ITGB5: variants seen among roughly 807,000 people sequenced by gnomAD.
ITGB5 encodes the protein integrin beta-5.
In ITGB5, 38 loss-of-function variants were observed where a neutral mutation model predicts 84.8. The ratio of observed to expected loss-of-function variants is 0.45; its 90% CI spans 0.35 to 0.59. ITGB5 has a LOEUF of 0.59. ITGB5 is among the 20% of genes least tolerant of loss of function. The pLI is 0.01. For synonymous variants in ITGB5, 393 were observed against 414.4 expected (o/e 0.95, Z 0.63); for missense variants, 905 against 1,034.5 (o/e 0.87, Z 1.72).
At chr3:124,859,542 A>G (rs560610471) in intron 2 of ITGB5, 96 bp from the exon 3 acceptor site, 7 of 864,862 alleles carry the variant, frequency 8.1e-6, no homozygotes, top group Non-Finnish European at 1.3e-5. Context: ...GTTGACCTTA[A>G]ATTCTCTACT....
intron 5 of ITGB5, among the ~76,000 whole-genome samples, chr3:124,838,870 G>C (rs2064974881): frequency 6.6e-6 from 1 of 152,190 alleles, no homozygotes. Context: ...CAAAGTGCTA[G>C]GATTACAGGC....
intron 9 of ITGB5, 56 bp downstream of exon 9, chr3:124,808,966 C>T (rs533656476): frequency 1.5e-4 from 232 of 1,576,370 alleles, no homozygotes; most frequent in Admixed American, 8.6e-4. Context: ...TATTAGAACC[C>T]AAAGACTGAT....
chr3:124,817,759 A>G (rs369241858), intron 7 of ITGB5, 49 bp from the exon 8 acceptor site: 24 of 1,089,314 alleles, frequency 2.2e-5, no homozygotes, highest in African/African-American at 3.1e-5. Flanking sequence ...TGCCCTGCCA[A>G]CCATCAGAGT....
At chr3:124,809,569 T>C (rs1334455761) in intron 8 of ITGB5, among the ~76,000 whole-genome samples, 1 of 152,070 alleles carries the variant, frequency 6.6e-6, no homozygotes, top group Admixed American at 6.6e-5. Flanking sequence ...CAATGATCCT[T>C]TGCACAATGG....
chr3:124,766,090 T>C, intron 13 of ITGB5, 136 bp downstream of exon 13: 1 of 817,586 alleles, frequency 1.2e-6, no homozygotes, highest in Non-Finnish European at 1.9e-6. Flanking sequence ...AAAGAAGAAA[T>C]TGTATCCCTC....
intron 10 of ITGB5, among the ~76,000 whole-genome samples, chr3:124,790,720 T>C (rs900636436): frequency 5.9e-5 from 9 of 152,184 alleles, no homozygotes; most frequent in Admixed American, 5.2e-4. Flanking sequence ...TTCTTTTTTT[T>C]TTTGTTTGGG....
At chr3:124,819,639 C>T (rs2064666555) in intron 7 of ITGB5, 100 bp downstream of exon 7, 1 of 849,832 alleles carries the variant, frequency 1.2e-6, no homozygotes, top group Non-Finnish European at 2.0e-6. Flanking sequence ...GGCTATATTC[C>T]ACCCCTCCTT....
intron 1 of ITGB5, among the ~76,000 whole-genome samples, 154 bp downstream of exon 1, chr3:124,886,777 C>G (rs1050264461): frequency 6.6e-6 from 1 of 151,506 alleles, no homozygotes; most frequent in African/African-American, 2.4e-5. Context: ...GAGCGCCCCG[C>G]GGGGCTGTCC....
intron 10 of ITGB5, 78 bp from the exon 11 acceptor site, chr3:124,773,990 C>T (rs939868612): frequency 6.9e-6 from 9 of 1,312,828 alleles, no homozygotes; most frequent in Non-Finnish European, 8.6e-6. Flanking sequence ...CCCCACATGC[C>T]AGGACTGGGA....
At chr3:124,798,868 TG>T (rs2064274369) in intron 9 of ITGB5, among the ~76,000 whole-genome samples, 1 of 152,214 alleles carries the variant, frequency 6.6e-6, no homozygotes, top group Admixed American at 6.5e-5. Context: ...GGAGAGGGTA[TG>T]GGACTGAGCA....
chr3:124,764,648 C>T, intron 13 of ITGB5, 91 bp from the exon 14 acceptor site: 2 of 1,341,078 alleles, frequency 1.5e-6, no homozygotes, highest in Middle Eastern at 2.4e-4. Context: ...GAAAGTTGCA[C>T]CCCTTCCAAA....
At chr3:124,891,771 A>G (rs1935006618), upstream of ITGB5, among the ~76,000 whole-genome samples, 1 of 151,824 alleles carries the variant, frequency 6.6e-6, no homozygotes, top group Non-Finnish European at 1.5e-5. Context: ...AAAAAATACA[A>G]AAATTAGCTG....
intron 1 of ITGB5, among the ~76,000 whole-genome samples, chr3:124,899,509 A>T (rs1414742185): frequency 1.3e-5 from 2 of 152,048 alleles, no homozygotes; most frequent in Non-Finnish European, 1.5e-5. Flanking sequence ...TTCACACAAG[A>T]TAGAAAAGCT....
chr3:124,848,452 A>G lies in ITGB5; in HGVS notation c.468T>C (p.Asn156=). Residue 156 remains asparagine (N), a synonymous_variant, in exon 4 of 15, where the codon AAT becomes AAC. Coordinates refer to ENST00000296181, the MANE Select transcript of ITGB5 (RefSeq NM_002213.5). The part of the protein sequence containing the change: ...LSLSMKDDLD[N]IRSLGTKLAE... ...CGAGTTTGGTGCCCAGGCTCCGGAT[A>G]TTGTCCAAGTCATCCTTCATGGACA... is the stretch of plus-strand genomic sequence containing the variant. The G allele has an allele frequency of 6.2e-7, 1 of 1,614,184 alleles. No individual in the cohort carries two copies. Among genetic ancestry groups the G allele is most frequent in the Non-Finnish European group, 8.5e-7 (1 of 1,180,036 alleles).
chr3:124,848,649 T>A, intron 3 of ITGB5, 91 bp from the exon 4 acceptor site: 1 of 1,383,244 alleles, frequency 7.2e-7, no homozygotes, highest in Non-Finnish European at 9.8e-7. Flanking sequence ...AGTTTGCCTC[T>A]TACTTTTCTT....
chr3:124,798,784 A>G (rs1202825400), intron 9 of ITGB5, among the ~76,000 whole-genome samples: 1 of 152,170 alleles, frequency 6.6e-6, no homozygotes, highest in Non-Finnish European at 1.5e-5. Flanking sequence ...ACAGATCCCT[A>G]TTACTTTGAG....
chr3:124,855,692 G>A (rs2065213767), intron 3 of ITGB5, among the ~76,000 whole-genome samples: 1 of 152,080 alleles, frequency 6.6e-6, no homozygotes. Flanking sequence ...TCCTCCAACT[G>A]CTTGACACCA....
chr3:124,802,231 A>C (rs868547695), intron 9 of ITGB5, among the ~76,000 whole-genome samples: 26 of 152,184 alleles, frequency 1.7e-4, no homozygotes, highest in Non-Finnish European at 2.5e-4. Context: ...ATAAACACTT[A>C]CTGAGTACGA....
chr3:124,869,117 C>T (rs929097254), intron 2 of ITGB5, among the ~76,000 whole-genome samples: 1 of 152,150 alleles, frequency 6.6e-6, no homozygotes, highest in Non-Finnish European at 1.5e-5. Context: ...GGGATTCATC[C>T]TCATAGGTTG....
Sources: gnomAD v4.1 joint callset for allele counts (sites outside exome capture counted in the v4.1 genomes callset) on GRCh38, gnomAD v4.1.1 for gene constraint, MANE v1.5 for transcripts, NCBI Gene and HGNC (gene_info 2026-07-23, HGNC 2026-07-21) for gene names.